HNRNPA0: variants seen among roughly 807,000 people sequenced by gnomAD.
HNRNPA0 encodes hnRNA binding protein.
For missense variants in HNRNPA0, 252 were observed against 433.7 expected (o/e 0.58, Z 3.72); for synonymous variants, 243 against 195.5 (o/e 1.24, Z -2.03).
chr5:137,754,220 A>C lies in HNRNPA0; in HGVS notation c.-154T>G. 1 of 963,840 alleles carries C rather than the reference A, an allele frequency of 1.0e-6. No individual in the cohort carries two copies. The highest frequency in any genetic ancestry group is 1.5e-6 in the Non-Finnish European group (1 of 663,848). The allele number at this position is 963,840 out of a possible 1,614,324, so 59.7% of individuals were successfully genotyped here. On this transcript the variant is annotated 5_prime_UTR_variant, in exon 1 of 1. Transcript: ENST00000314940. ...ACGGGGAAGGGAAAAAGGGAAGGGG[A>C]GGGAAGGAAGGAAGAGAGGAAGGGG...
Position 137,754,007 on chromosome 5 carries a change from C to T in HNRNPA0, c.60G>A (p.Glu20=). Residue 20 remains glutamate, a synonymous_variant, in exon 1 of 1, where the codon GAG becomes GAA. Coordinates refer to ENST00000314940, the MANE Select transcript of HNRNPA0 (RefSeq NM_006805.4). ...FIGGLNVQTS[E]SGLRGHFEAF... ...CCTCAAAGTGGCCGCGCAGGCCCGA[C>T]TCACTCGTCTGCACATTGAGGCCGC... 1 of 1,614,120 alleles carries T rather than the reference C, an allele frequency of 6.2e-7. No homozygotes were observed. Among genetic ancestry groups the T allele is most frequent in the Non-Finnish European group, 8.5e-7 (1 of 1,180,036 alleles).
rs1008527726 is a variant in HNRNPA0, at chr5:137,750,199, C to T, written c.*2950G>A. On this transcript the variant is annotated 3_prime_UTR_variant, in exon 1 of 1. Transcript: ENST00000314940. ...GCAGACATGACATTCAAAGGAAATG[C>T]TCATTGAAGCAGTTTGGATTTTACA... 1.3e-5 allele frequency: 2 copies of T among 152,048 alleles called. No homozygotes were observed. The highest frequency in any genetic ancestry group is 2.9e-5 in the Non-Finnish European group (2 of 67,994). 9.4% of individuals were successfully genotyped at this position (152,048 alleles called of 1,614,324 possible).
In HNRNPA0 at chr5:137,753,370, C is replaced by T. The variant is rs1181149407; in HGVS notation, c.697G>A (p.Ala233Thr). ...YGGGGGGGYNAYGGGGGGSSY... is the reference protein window; with the variant it reads ...YGGGGGGGYNTYGGGGGGSSY... ...GAACCGCCGCCGCCGCCTCCGTAGG[C>T]ATTGTAGCCGCCGCCTCCGCCGCCG... Residue 233 changes from alanine (A) to threonine (T), a missense_variant, in exon 1 of 1, where the codon GCC becomes ACC. By Grantham distance (58) the Ala-to-Thr change is moderately conservative. Transcript: ENST00000314940. The surrounding 1 kb of genome is among the most constrained non-coding windows in gnomAD (Gnocchi z 6.1). 1.3e-6 allele frequency: 2 copies of T among 1,547,990 alleles called. No homozygotes were observed. Among genetic ancestry groups the T allele is most frequent in the East Asian group, 2.4e-5 (1 of 40,866 alleles).
chr5:137,753,282 T>G lies in HNRNPA0; in HGVS notation c.785A>C (p.Gln262Pro), dbSNP rs915878946. 2 of 1,592,938 alleles carry G rather than the reference T, an allele frequency of 1.3e-6. No individual in the cohort carries two copies. Among genetic ancestry groups the G allele is most frequent in the African/African-American group, 2.8e-5 (2 of 72,440 alleles). The change falls in exon 1 of 1, where the codon CAG (glutamine) becomes CCG (proline). Residue 262 changes from glutamine (Q) to proline (P), a missense_variant. Coordinates refer to ENST00000314940, the MANE Select transcript of HNRNPA0 (RefSeq NM_006805.4). The surrounding 1 kb of genome is among the most constrained non-coding windows in gnomAD (Gnocchi z 6.1). ...FGGFGSYSQH[Q>P]SSYGPMKSGG... The stretch of plus-strand genomic sequence containing the variant: ...GCTCTTCATGGGCCCATAGGAGGAC[T>G]GATGCTGGCTGTAGCTGCCGAAGCC...
At position 137,753,253 on chromosome 5, in the gene HNRNPA0, C is replaced by CGCCGCT. The variant is rs778866374; in HGVS notation, c.808_813dup (p.Ser270_Gly271dup). The stretch of plus-strand genomic sequence containing the variant: ...CTACTGCCTCCACCGCCGCCGCCGC[C>CGCCGCT]GCCGCTCTTCATGGGCCCATAGGAG... On this transcript the variant is annotated inframe_insertion, in exon 1 of 1. Transcript: ENST00000314940. This position sits in a 1 kb window ranked among gnomAD's most constrained non-coding sequence, Gnocchi z 6.1. The CGCCGCT allele has an allele frequency of 3.7e-6, 6 of 1,608,952 alleles. No individual in the cohort carries two copies. The highest frequency in any genetic ancestry group is 1.1e-5 in the South Asian group (1 of 90,888).
At position 137,751,742 on chromosome 5, in the gene HNRNPA0, A is replaced by T. The variant is rs186075006; in HGVS notation, c.*1407T>A. The T allele has an allele frequency of 6.5e-6, 1 of 152,722 alleles. No individual in the cohort carries two copies. Among genetic ancestry groups the T allele is most frequent in the African/African-American group, 2.4e-5 (1 of 41,554 alleles). The allele number at this position is 152,722 out of a possible 1,614,324, so 9.5% of individuals were successfully genotyped here. A position where few individuals can be genotyped will look rare whatever the true frequency, so the allele number is the denominator to read the frequency against. ...TATACATTTGTTAACCAAGCAGAAT[A>T]CACAGATATTTTGCTTTACAACTTG... On this transcript the variant is annotated 3_prime_UTR_variant, in exon 1 of 1. Transcript: ENST00000314940.
At position 137,753,920 on chromosome 5, in the gene HNRNPA0, G is replaced by A. The variant is rs766208226; in HGVS notation, c.147C>T (p.Cys49=). Reference sequence around the variant, plus strand: ...CATTGGAGTAGGTCACGAAGCCAAAGCAACGGGAGCGCTTGGTCTGGGGAT... The same window carrying A: ...CATTGGAGTAGGTCACGAAGCCAAAACAACGGGAGCGCTTGGTCTGGGGAT... ...VVNPQTKRSR[C]FGFVTYSNVE... Residue 49 remains cysteine, a synonymous_variant, in exon 1 of 1, where the codon TGC becomes TGT. Transcript: ENST00000314940. This position sits in a 1 kb window ranked among gnomAD's most constrained non-coding sequence, Gnocchi z 6.1. 1.9e-6 allele frequency: 3 copies of A among 1,613,966 alleles called. No individual in the cohort carries two copies. Among genetic ancestry groups the A allele is most frequent in the African/African-American group, 1.3e-5 (1 of 74,948 alleles).
Position 137,753,032 on chromosome 5 carries a change from C to G in HNRNPA0, c.*117G>C, listed in dbSNP as rs916030912. ...TAAGCAGCCTTAGAAGTGGCTCCCC[C>G]AAGGGCAAAACAGGGAAGGCGGTGT... On this transcript the variant is annotated 3_prime_UTR_variant, in exon 1 of 1. Transcript: ENST00000314940. This position sits in a 1 kb window ranked among gnomAD's most constrained non-coding sequence, Gnocchi z 6.1. 3 of 1,191,474 alleles carry G rather than the reference C, an allele frequency of 2.5e-6. No homozygotes were observed. Among genetic ancestry groups the G allele is most frequent in the Non-Finnish European group, 2.3e-6 (2 of 855,664 alleles). The allele number at this position is 1,191,474 out of a possible 1,614,324, so 73.8% of individuals were successfully genotyped here.
At position 137,753,248 on chromosome 5, in the gene HNRNPA0, G is replaced by T. The variant is rs951262077; in HGVS notation, c.819C>A (p.Gly273=). The T allele has an allele frequency of 2.5e-6, 4 of 1,607,426 alleles. No homozygotes were observed. Among genetic ancestry groups the T allele is most frequent in the Admixed American group, 1.7e-5 (1 of 59,662 alleles). ...CCCAGCTACTGCCTCCACCGCCGCC[G>T]CCGCCGCCGCTCTTCATGGGCCCAT... ...SSYGPMKSGG[G]GGGGGSSWGG... Residue 273 remains glycine (G), a synonymous_variant, in exon 1 of 1, where the codon GGC becomes GGA. Coordinates refer to ENST00000314940, the MANE Select transcript of HNRNPA0 (RefSeq NM_006805.4). This position sits in a 1 kb window ranked among gnomAD's most constrained non-coding sequence, Gnocchi z 6.1.
rs1474317979 is a variant in HNRNPA0 at position 137,753,782 on chromosome 5, G to A, written c.285C>T (p.Ala95=). The A allele has an allele frequency of 6.2e-7, 1 of 1,610,706 alleles. No homozygotes were observed. Among genetic ancestry groups the A allele is most frequent in the Non-Finnish European group, 8.5e-7 (1 of 1,180,024 alleles). The change falls in exon 1 of 1, where the codon GCC becomes GCT. Residue 95 remains alanine (A), a synonymous_variant. Transcript: ENST00000314940. This position sits in a 1 kb window ranked among gnomAD's most constrained non-coding sequence, Gnocchi z 6.1. ...REDSARPGAH[A]KVKKLFVGGL... is the part of the protein sequence containing the mutation. ...CTCCGACAAAGAGCTTCTTAACCTT[G>A]GCGTGGGCACCGGGCCGCGCCGAAT...
At position 137,746,338 on chromosome 5, in the gene HNRNPA0, CATTT is replaced by C. The variant is rs1437258067; in HGVS notation, c.*6807_*6810del. ...CTCAAAACTGAAATGGTTCACCATT[CATTT>C]AGTGAAAACCAAAATCCTTACAACA... is the stretch of plus-strand genomic sequence containing the variant. On this transcript the variant is annotated 3_prime_UTR_variant, in exon 1 of 1. Transcript: ENST00000314940. 1.3e-5 allele frequency: 2 copies of C among 152,172 alleles called. No homozygotes were observed. The highest frequency in any genetic ancestry group is 4.8e-5 in the African/African-American group (2 of 41,426). The allele number at this position is 152,172 out of a possible 1,614,324, so 9.4% of individuals were successfully genotyped here.
chr5:137,749,229 T>C lies in HNRNPA0; in HGVS notation c.*3920A>G, dbSNP rs1403203698. 2.6e-5 allele frequency: 4 copies of C among 152,120 alleles called. No individual in the cohort carries two copies. Among genetic ancestry groups the C allele is most frequent in the Non-Finnish European group, 4.4e-5 (3 of 67,996 alleles). 9.4% of individuals were successfully genotyped at this position (152,120 alleles called of 1,614,324 possible). ...TCAGATAGATTTTTTAAGTAAACCA[T>C]ACAAAGTGGTAAAAGAATTAAAGAG... On this transcript the variant is annotated 3_prime_UTR_variant, in exon 1 of 1. Coordinates refer to ENST00000314940, the MANE Select transcript of HNRNPA0 (RefSeq NM_006805.4).
chr5:137,754,123 C>A lies in HNRNPA0; in HGVS notation c.-57G>T. The A allele has an allele frequency of 6.5e-7, 1 of 1,540,870 alleles. No individual in the cohort carries two copies. The highest frequency in any genetic ancestry group is 8.7e-7 in the Non-Finnish European group (1 of 1,144,650). On this transcript the variant is annotated 5_prime_UTR_variant, in exon 1 of 1. Coordinates refer to ENST00000314940, the MANE Select transcript of HNRNPA0 (RefSeq NM_006805.4). ...GAGCTCCGAGGTTTCGCCGTCGCCG[C>A]CGTTATCGTTGGTTAAGGCCTCTAC... is the stretch of plus-strand genomic sequence containing the variant.
chr5:137,746,641 T>C lies in HNRNPA0; in HGVS notation c.*6508A>G, dbSNP rs976373847. On this transcript the variant is annotated 3_prime_UTR_variant, in exon 1 of 1. Coordinates refer to ENST00000314940, the MANE Select transcript of HNRNPA0 (RefSeq NM_006805.4). ...TTAAAGTATGCTATCCTCACAAACA[T>C]CCCTTGCAACAATCGCCATTCCTCA... The C allele has an allele frequency of 1.3e-5, 2 of 152,184 alleles. No homozygotes were observed. Among genetic ancestry groups the C allele is most frequent in the African/African-American group, 4.8e-5 (2 of 41,444 alleles). The allele number at this position is 152,184 out of a possible 1,614,324, so 9.4% of individuals were successfully genotyped here. A position where few individuals can be genotyped will look rare whatever the true frequency, so the allele number is the denominator to read the frequency against.
Position 137,753,545 on chromosome 5 carries a change from G to A in HNRNPA0, c.522C>T (p.Val174=), listed in dbSNP as rs745608458. ...QGHRVEVKKA[V]PKEDIYSGGG... is the part of the protein sequence containing the mutation. ...CACCGGAGTAGATATCCTCCTTGGG[G>A]ACTGCTTTCTTCACCTCCACGCGAT... The change falls in exon 1 of 1, where the codon GTC becomes GTT. Residue 174 remains valine (V), a synonymous_variant. Transcript: ENST00000314940. This position sits in a 1 kb window ranked among gnomAD's most constrained non-coding sequence, Gnocchi z 6.1. The A allele has an allele frequency of 6.2e-6, 10 of 1,612,674 alleles. No homozygotes were observed. The highest frequency in any genetic ancestry group is 8.5e-6 in the Non-Finnish European group (10 of 1,179,178).
In HNRNPA0 at chr5:137,752,211, C is replaced by T. The variant is rs1024630293; in HGVS notation, c.*938G>A. The T allele has an allele frequency of 6.6e-6, 1 of 151,432 alleles. No individual in the cohort carries two copies. Among genetic ancestry groups the T allele is most frequent in the Non-Finnish European group, 1.5e-5 (1 of 67,944 alleles). The allele number at this position is 151,432 out of a possible 1,614,324, so 9.4% of individuals were successfully genotyped here. A position where few individuals can be genotyped will look rare whatever the true frequency, so the allele number is the denominator to read the frequency against. ...TTTTTAACCATTCATTACAGACAAA[C>T]CAGTAAGAGGGATGAAACTAGGCCA... On this transcript the variant is annotated 3_prime_UTR_variant, in exon 1 of 1. Coordinates refer to ENST00000314940, the MANE Select transcript of HNRNPA0 (RefSeq NM_006805.4).
chr5:137,754,021 C>T lies in HNRNPA0; in HGVS notation c.46G>A (p.Val16Met). The change falls in exon 1 of 1, where the codon GTG becomes ATG. Residue 16 changes from valine (V) to methionine (M), a missense_variant. By Grantham distance (21) the Val-to-Met change is conservative (BLOSUM62 1). Coordinates refer to ENST00000314940, the MANE Select transcript of HNRNPA0 (RefSeq NM_006805.4). ...LCKLFIGGLN[V>M]QTSESGLRGH... ...CGCAGGCCCGACTCACTCGTCTGCACATTGAGGCCGCCGATGAACAGCTTA... is the reference window on the plus strand; with the variant it reads ...CGCAGGCCCGACTCACTCGTCTGCATATTGAGGCCGCCGATGAACAGCTTA... 6.2e-7 allele frequency: 1 copy of T among 1,614,018 alleles called. No individual in the cohort carries two copies. Among genetic ancestry groups the T allele is most frequent in the Non-Finnish European group, 8.5e-7 (1 of 1,180,014 alleles).
chr5:137,753,377 GCCGCCGCCT>G lies in HNRNPA0; in HGVS notation c.681_689del (p.Gly228_Gly230del), dbSNP rs1261948498. ...CGCCGCCGCCTCCGTAGGCATTGTA[GCCGCCGCCT>G]CCGCCGCCGCCGTAACCACCGTAGC... is the stretch of plus-strand genomic sequence containing the variant. On this transcript the variant is annotated inframe_deletion, in exon 1 of 1. Coordinates refer to ENST00000314940, the MANE Select transcript of HNRNPA0 (RefSeq NM_006805.4). This position sits in a 1 kb window ranked among gnomAD's most constrained non-coding sequence, Gnocchi z 6.1. 5.2e-6 allele frequency: 8 copies of G among 1,546,776 alleles called. No homozygotes were observed. In the South Asian group the frequency reaches 7.1e-5, roughly 14 times the overall value.
chr5:137,753,167 A>G lies in HNRNPA0; in HGVS notation c.900T>C (p.Tyr300=), dbSNP rs1447361779. 6.2e-7 allele frequency: 1 copy of G among 1,613,104 alleles called. No individual in the cohort carries two copies. The highest frequency in any genetic ancestry group is 2.2e-5 in the East Asian group (1 of 44,858). ...YRGGYGGGGG[Y]GGSSF is the part of the protein sequence containing the mutation. The stretch of plus-strand genomic sequence containing the variant: ...TTTTCTTTTAGAAGGAGCTGCCTCC[A>G]TAGCCACCCCCACCGCCATAGCCGC... Residue 300 remains tyrosine, a synonymous_variant, in exon 1 of 1, where the codon TAT becomes TAC. Coordinates refer to ENST00000314940, the MANE Select transcript of HNRNPA0 (RefSeq NM_006805.4). This position sits in a 1 kb window ranked among gnomAD's most constrained non-coding sequence, Gnocchi z 6.1.
Sources: allele counts gnomAD v4.1 joint callset, GRCh38; gene constraint gnomAD v4.1.1; non-coding constraint Gnocchi (gnomAD v3.1); transcripts MANE v1.5; gene names NCBI Gene and HGNC (gene_info 2026-07-23, HGNC 2026-07-21).